The following PLXNA1 variants were observed in gnomAD, a reference collection of about 807,000 sequenced individuals.
PLXNA1 encodes plexin A1.
Under a neutral mutation model 191.7 loss-of-function variants are expected in PLXNA1, and 77 were observed. The ratio of observed to expected loss-of-function variants is 0.40; its 90% CI spans 0.33 to 0.49. The LOEUF is 0.49. Ranked by LOEUF, PLXNA1 falls within the 20% of genes least tolerant of loss-of-function variation. PLXNA1 has a pLI of 0.63. For synonymous variants in PLXNA1, 1,137 were observed against 1,156.4 expected (o/e 0.98, Z 0.34); for missense variants, 2,110 against 2,660.2 (o/e 0.79, Z 4.55).
chr3:127,012,634 C>T (rs2079101637), intron 10 of PLXNA1, among the ~76,000 whole-genome samples: 1 of 152,270 alleles, frequency 6.6e-6, no homozygotes, highest in Admixed American at 6.5e-5. Context: ...AAAACACTCC[C>T]ATTGGCCCGC....
At chr3:127,009,253 A>G (rs563366194) in intron 9 of PLXNA1, among the ~76,000 whole-genome samples, 1 of 152,176 alleles carries the variant, frequency 6.6e-6, no homozygotes, top group East Asian at 1.9e-4. Flanking sequence ...AGATAGCCCA[A>G]TTCCTCAGTG....
rs1405450157 is a variant in PLXNA1 at position 127,012,297 on chromosome 3, TCCTGGCTTCCCCAGGCCATTG to T, written c.2313+142_2313+162del. 49 of 886,480 alleles carry T rather than the reference TCCTGGCTTCCCCAGGCCATTG, an allele frequency of 5.5e-5. No homozygotes were observed. In the African/African-American group the frequency reaches 7.8e-4, roughly 14 times the overall value. The allele number at this position is 886,480 out of a possible 1,614,324, so 54.9% of individuals were successfully genotyped here. A position where few individuals can be genotyped will look rare whatever the true frequency, so the allele number is the denominator to read the frequency against. ...GTATCTCTGATGAGTCAGAAGCCAC[TCCTGGCTTCCCCAGGCCATTG>T]CCAGGCCCTTCAGATGTGCCTGGGT... is the stretch of plus-strand genomic sequence containing the variant. On this transcript the variant is annotated intron_variant, in intron 10 of 31. Transcript: ENST00000393409.
At chr3:126,985,338 C>A (rs995578602) in intron 1 of PLXNA1, among the ~76,000 whole-genome samples, 6 of 152,150 alleles carry the variant, frequency 3.9e-5, no homozygotes, top group Non-Finnish European at 7.4e-5. Context: ...CTGGCTAGCC[C>A]CATCGGCATC....
chr3:127,017,797 A>G lies in PLXNA1; in HGVS notation c.3565A>G (p.Thr1189Ala). 1.2e-6 allele frequency: 2 copies of G among 1,612,916 alleles called. No homozygotes were observed. Among genetic ancestry groups the G allele is most frequent in the Non-Finnish European group, 1.7e-6 (2 of 1,179,950 alleles). The change falls in exon 19 of 32, where the codon ACG becomes GCG. Residue 1189 changes from threonine (T) to alanine (A), a missense_variant. Thr to Ala is a moderately conservative substitution (Grantham distance 58). Transcript: ENST00000393409. The stretch of plus-strand genomic sequence containing the variant: ...ACCCGGCAACTCCCGACTCAACTAC[A>G]CGGTGCTCATCGGCTCCACACCCTG... ...PAPGNSRLNY[T>A]VLIGSTPCTL...
At chr3:126,995,367 G>A (rs1335522816) in intron 3 of PLXNA1, among the ~76,000 whole-genome samples, 4 of 152,184 alleles carry the variant, frequency 2.6e-5, no homozygotes, top group Non-Finnish European at 5.9e-5. Context: ...CCCCTGTTTT[G>A]GGTCCTGTAG....
chr3:127,006,124 G>A lies in PLXNA1; in HGVS notation c.1943G>A (p.Gly648Glu). 6.2e-7 allele frequency: 1 copy of A among 1,613,910 alleles called. No individual in the cohort carries two copies. The highest frequency in any genetic ancestry group is 8.5e-7 in the Non-Finnish European group (1 of 1,179,988). Residue 648 changes from glycine (G) to glutamate (E), a missense_variant, in exon 8 of 32, where the codon GGG (glycine) becomes GAG (glutamate). By Grantham distance (98) the Gly-to-Glu change is moderately conservative. Transcript: ENST00000393409. ...VKLYLKSKETGKKFASVDFVF... is the reference protein window; with the variant it reads ...VKLYLKSKETEKKFASVDFVF... Reference sequence around the variant, plus strand: ...CTCTACCTAAAGTCCAAGGAGACAGGGAAGAAGTTTGCGTCTGTGGACTTC... The same window carrying A: ...CTCTACCTAAAGTCCAAGGAGACAGAGAAGAAGTTTGCGTCTGTGGACTTC...
chr3:126,988,633 C>T lies in PLXNA1; in HGVS notation c.40C>T (p.Leu14=), dbSNP rs1297276846. 3.2e-6 allele frequency: 5 copies of T among 1,575,888 alleles called. No homozygotes were observed. The highest frequency in any genetic ancestry group is 4.3e-6 in the Non-Finnish European group (5 of 1,161,312). ...GCGGAGCCTGCAGGTGCTCCTGCTG[C>T]TGCTGCTGTTGCTGCTGCTGCTGCC... ...PPRSLQVLLL[L]LLLLLLLPGM... is the part of the protein sequence containing the mutation. Residue 14 remains leucine (L), a synonymous_variant, in exon 2 of 32, where the codon CTG becomes TTG. Transcript: ENST00000393409.
chr3:126,985,421 A>C (rs1395558988), intron 1 of PLXNA1, among the ~76,000 whole-genome samples: 2 of 151,918 alleles, frequency 1.3e-5, no homozygotes, highest in African/African-American at 4.8e-5. Context: ...GCCATGCCGG[A>C]GAGCCACAGC....
At chr3:127,001,233 C>T (rs1203642859) in intron 3 of PLXNA1, among the ~76,000 whole-genome samples, 1 of 152,180 alleles carries the variant, frequency 6.6e-6, no homozygotes, top group Admixed American at 6.5e-5. Flanking sequence ...TGACCCGTTT[C>T]TTCACCCCTT....
rs560376900 is a variant in PLXNA1 at position 126,990,592 on chromosome 3, C to T, written c.1195-792C>T. On this transcript the variant is annotated intron_variant, in intron 2 of 31. Transcript: ENST00000393409. The stretch of plus-strand genomic sequence containing the variant: ...GCCTTCTGGGCTTGCTGCTGGGGGT[C>T]GCTGGCCATCGCAGGGGAAGGCCTC... 1.2e-3 allele frequency among the ~76,000 whole-genome samples: 181 copies of T among 152,324 alleles called. 2 individuals carry two copies. Among genetic ancestry groups the T allele is most frequent in the African/African-American group, 4.3e-3 (177 of 41,580 alleles).
intron 9 of PLXNA1, among the ~76,000 whole-genome samples, chr3:127,009,387 C>T (rs2079084653): frequency 6.6e-6 from 1 of 151,916 alleles, no homozygotes; most frequent in Non-Finnish European, 1.5e-5. Flanking sequence ...GCAGGCAGGG[C>T]TGGGCTGGGG....
Position 126,983,157 on chromosome 3 carries a change from G to A in PLXNA1, c.-204G>A, listed in dbSNP as rs905444195. On this transcript the variant is annotated 5_prime_UTR_variant, in exon 1 of 32. Transcript: ENST00000393409. Reference sequence around the variant, plus strand: ...GCTGCGCGGCCACGCAGCGGAGCCCGGGCGCGGCGGCGGCCTCGGCCTGGG... The same window carrying A: ...GCTGCGCGGCCACGCAGCGGAGCCCAGGCGCGGCGGCGGCCTCGGCCTGGG... Among the ~76,000 whole-genome samples the A allele has an allele frequency of 6.9e-6, 1 of 145,538 alleles. No individual in the cohort carries two copies. The highest frequency in any genetic ancestry group is 2.5e-5 in the African/African-American group (1 of 40,670).
In PLXNA1 at chr3:127,015,096, T is replaced by G. The variant is rs1443133686; in HGVS notation, c.2878-88T>G. The stretch of plus-strand genomic sequence containing the variant: ...GGCTCCTAGTCTGGGGAACTGTCTG[T>G]GGGGGTAAGCAGGCCAAGTGGGGCC... On this transcript the variant is annotated intron_variant, in intron 14 of 31. Transcript: ENST00000393409. The G allele has an allele frequency of 3.3e-6, 5 of 1,525,322 alleles. No individual in the cohort carries two copies. In the South Asian group the frequency reaches 3.8e-5, roughly 12 times the overall value. 94.5% of individuals were successfully genotyped at this position (1,525,322 alleles called of 1,614,324 possible).
chr3:126,986,841 G>A (rs2107619353), intron 1 of PLXNA1, among the ~76,000 whole-genome samples: 1 of 152,338 alleles, frequency 6.6e-6, no homozygotes, highest in East Asian at 1.9e-4. Flanking sequence ...GAGGCTGATG[G>A]GACTGTGCCC....
At chr3:127,014,412 C>T (rs745394131) in intron 12 of PLXNA1, 37 bp downstream of exon 12, 16 of 1,570,042 alleles carry the variant, frequency 1.0e-5, no homozygotes, top group Middle Eastern at 3.3e-4. Context: ...CCCCATGCCC[C>T]GCCCTGCACC....
intron 23 of PLXNA1, among the ~76,000 whole-genome samples, chr3:127,023,419 T>C (rs995426206): frequency 3.9e-5 from 6 of 151,966 alleles, no homozygotes; most frequent in African/African-American, 1.5e-4. Flanking sequence ...TGGCTTCTCT[T>C]GGAAATCTGA....
intron 29 of PLXNA1, chr3:127,031,915 C>T (rs574657015): frequency 6.2e-5 from 11 of 178,566 alleles, no homozygotes; most frequent in Admixed American, 1.6e-4. Context: ...TAAGCAGCCA[C>T]GTGTGGCCAG....
intron 20 of PLXNA1, among the ~76,000 whole-genome samples, chr3:127,019,701 G>A (rs138720695): frequency 1.3e-5 from 2 of 152,338 alleles, no homozygotes; most frequent in African/African-American, 4.8e-5. Flanking sequence ...GCTCTGGAAT[G>A]TTCTGTCAGG....
intron 1 of PLXNA1, among the ~76,000 whole-genome samples, chr3:126,987,797 G>A (rs2078967246): frequency 1.3e-5 from 2 of 152,172 alleles, no homozygotes; most frequent in African/African-American, 4.8e-5. Context: ...GCTGGGGTGG[G>A]GATGTGGGTG....
Sources: allele counts gnomAD v4.1 joint callset (sites outside exome capture counted in the v4.1 genomes callset), GRCh38; gene constraint gnomAD v4.1.1; transcripts MANE v1.5; gene names NCBI Gene and HGNC (gene_info 2026-07-23, HGNC 2026-07-21).